The following NRXN3 variants were observed in gnomAD, a reference collection of about 807,000 sequenced individuals.
NRXN3 encodes neurexin 3, also known as neurexin III.
Under a neutral mutation model 137.6 loss-of-function variants are expected in NRXN3, and 32 were observed. That is an observed-to-expected ratio of 0.23 (90% CI 0.18 to 0.31). NRXN3 has a LOEUF of 0.31. Among genes scored for constraint, NRXN3 ranks in the 10% least tolerant of loss-of-function variants. The pLI is 1.00. For missense variants in NRXN3, 1,574 were observed against 2,062.5 expected, an observed-to-expected ratio of 0.76 and a Z score of 4.59; for synonymous variants, 798 against 784.5, an observed-to-expected ratio of 1.02 and a Z score of -0.29.
chr14:78,480,617 T>G (rs573728337), intron 4 of NRXN3, among the ~76,000 whole-genome samples: 191 of 152,320 alleles, frequency 1.3e-3, no homozygotes, highest in Non-Finnish European at 2.2e-3. Flanking sequence ...TTTCACATTT[T>G]GTAAGTCAGT....
intron 17 of NRXN3, 112 bp downstream of exon 17, chr14:79,664,061 A>T (rs544082113): frequency 5.6e-5 from 60 of 1,076,306 alleles, no homozygotes; most frequent in Non-Finnish European, 7.5e-5. Context: ...AGTGAAGTAC[A>T]CATTCATGAT....
At position 78,417,066 on chromosome 14, in the gene NRXN3, C is replaced by T. The variant is rs564083373; in HGVS notation, c.757+119206C>T. On this transcript the variant is annotated intron_variant, in intron 4 of 20. Transcript: ENST00000335750. ...CTTGTGGTCTCAAGACTATTTTGTCCTGCAGCCCCCAGAGCAATCTCCCTG... is the reference window on the plus strand; with the variant it reads ...CTTGTGGTCTCAAGACTATTTTGTCTTGCAGCCCCCAGAGCAATCTCCCTG... 1.6e-4 allele frequency among the ~76,000 whole-genome samples: 25 copies of T among 152,302 alleles called. 3 individuals carry two copies. The South Asian group carries it at 5.2e-3, about 32-fold the overall frequency.
intron 15 of NRXN3, among the ~76,000 whole-genome samples, chr14:79,026,950 T>A (rs867811585): frequency 4.4e-5 from 6 of 135,136 alleles, no homozygotes; most frequent in African/African-American, 1.5e-4. Flanking sequence ...TATTATAATT[T>A]TATATATATA....
intron 15 of NRXN3, among the ~76,000 whole-genome samples, chr14:79,175,379 T>C (rs147783725): frequency 6.6e-6 from 1 of 152,170 alleles, no homozygotes; most frequent in Non-Finnish European, 1.5e-5. Context: ...AGATTGAGAA[T>C]TTTTTTGGAG....
At chr14:79,409,433 T>C (rs978866370) in intron 15 of NRXN3, among the ~76,000 whole-genome samples, 1 of 150,702 alleles carries the variant, frequency 6.6e-6, no homozygotes, top group Non-Finnish European at 1.5e-5. Context: ...TATGTATACA[T>C]ATATGCATAT....
At chr14:79,837,113 T>C (rs995266172) in intron 20 of NRXN3, among the ~76,000 whole-genome samples, 2 of 152,128 alleles carry the variant, frequency 1.3e-5, no homozygotes, top group South Asian at 2.1e-4. Context: ...ATGTATGCAA[T>C]TGACTTTTGA....
At chr14:79,300,244 C>G (rs1251139977) in intron 15 of NRXN3, among the ~76,000 whole-genome samples, 2 of 152,080 alleles carry the variant, frequency 1.3e-5, no homozygotes, top group Admixed American at 1.3e-4. Flanking sequence ...AAACTCGTTT[C>G]TCTAATTGCA....
At chr14:78,931,286 GT>G (rs1257359226) in intron 10 of NRXN3, among the ~76,000 whole-genome samples, 1 of 152,262 alleles carries the variant, frequency 6.6e-6, no homozygotes, top group East Asian at 1.9e-4. Flanking sequence ...CAGGTTGGTT[GT>G]TGGGGGCAGT....
At chr14:79,057,432 G>A (rs993220479) in intron 15 of NRXN3, among the ~76,000 whole-genome samples, 1 of 152,138 alleles carries the variant, frequency 6.6e-6, no homozygotes, top group Non-Finnish European at 1.5e-5. Flanking sequence ...CCCTATAAAT[G>A]TGCCACTTCA....
At chr14:78,531,403 A>G (rs2096459636) in intron 4 of NRXN3, among the ~76,000 whole-genome samples, 2 of 152,336 alleles carry the variant, frequency 1.3e-5, no homozygotes, top group African/African-American at 4.8e-5. Flanking sequence ...GCATACCACA[A>G]TGAGAATTGC....
At chr14:78,534,484 C>T (rs2096511198) in intron 4 of NRXN3, among the ~76,000 whole-genome samples, 1 of 152,122 alleles carries the variant, frequency 6.6e-6, no homozygotes, top group African/African-American at 2.4e-5. Flanking sequence ...AATGGCTGCC[C>T]AATCTATAAC....
intron 16 of NRXN3, among the ~76,000 whole-genome samples, chr14:79,530,890 C>T (rs945128713): frequency 6.6e-6 from 1 of 152,106 alleles, no homozygotes. Flanking sequence ...ATAGAAATAA[C>T]ACAAACCAAA....
intron 15 of NRXN3, among the ~76,000 whole-genome samples, chr14:79,035,097 T>G (rs1408223207): frequency 6.6e-6 from 1 of 152,152 alleles, no homozygotes; most frequent in Non-Finnish European, 1.5e-5. Flanking sequence ...CTTTAGCTCT[T>G]TTACACTTTT....
chr14:79,537,421 C>T (rs929415900), intron 16 of NRXN3, among the ~76,000 whole-genome samples: 1 of 152,036 alleles, frequency 6.6e-6, no homozygotes, highest in Non-Finnish European at 1.5e-5. Context: ...AGGTATATCT[C>T]CTAATGCTAT....
rs149033015 is a variant in NRXN3 at position 79,399,677 on chromosome 14, G to A, written c.3263-67544G>A. On this transcript the variant is annotated intron_variant, in intron 15 of 20. Coordinates refer to ENST00000335750, the MANE Select transcript of NRXN3 (RefSeq NM_001330195.2). ...GAAGATTTACTTTTTAAAAAGCGTT[G>A]TGCTCAAGGCTATGGCAGATGTAAG... is the stretch of plus-strand genomic sequence containing the variant. Among the ~76,000 whole-genome samples the A allele has an allele frequency of 3.9e-5, 6 of 152,276 alleles. No homozygotes were observed. In the East Asian group the frequency reaches 1.2e-3, roughly 29 times the overall value.
At chr14:79,797,990 C>A (rs1265057383) in intron 19 of NRXN3, among the ~76,000 whole-genome samples, 1 of 151,674 alleles carries the variant, frequency 6.6e-6, no homozygotes. Flanking sequence ...GTCCTAGATA[C>A]CTAGGAGGCT....
chr14:78,817,069 A>C (rs2098935911), intron 10 of NRXN3, among the ~76,000 whole-genome samples: 1 of 152,308 alleles, frequency 6.6e-6, no homozygotes, highest in South Asian at 2.1e-4. Context: ...ATGTTATAGT[A>C]ATTTTGTGTA....
chr14:79,775,982 T>G (rs2099095857), intron 19 of NRXN3, among the ~76,000 whole-genome samples: 1 of 152,182 alleles, frequency 6.6e-6, no homozygotes, highest in African/African-American at 2.4e-5. Context: ...AAAAAGTAGG[T>G]TCTTCATAAA....
intron 4 of NRXN3, among the ~76,000 whole-genome samples, chr14:78,448,629 A>T (rs2094479149): frequency 6.6e-6 from 1 of 152,190 alleles, no homozygotes; most frequent in African/African-American, 2.4e-5. Flanking sequence ...CGGACACCGG[A>T]TGTTGTGCAA....
Sources: gnomAD v4.1 joint callset for allele counts (sites outside exome capture counted in the v4.1 genomes callset) on GRCh38, gnomAD v4.1.1 for gene constraint, MANE v1.5 for transcripts, NCBI Gene and HGNC (gene_info 2026-07-23, HGNC 2026-07-21) for gene names.